Variants in CLDN7 observed in about 807,000 individuals in gnomAD.
The protein encoded by CLDN7 is claudin-7.
In CLDN7, 15 loss-of-function variants were observed where a neutral mutation model predicts 20.3. The observed-to-expected ratio is 0.74, with a 90% confidence interval of 0.49 to 1.14. The LOEUF (loss-of-function observed/expected upper bound fraction) is 1.14, where lower values mean the gene tolerates loss of function less well. Ranked by LOEUF, CLDN7 falls within the 50% of genes most tolerant of loss-of-function variation. The pLI is 0.00. For synonymous variants in CLDN7, 117 were observed against 106.1 expected (o/e 1.10, Z -0.63); for missense variants, 261 against 274.2 (o/e 0.95, Z 0.34).
chr17:7,261,098 C>G (rs1210999190), intron 1 of CLDN7, 113 bp from the exon 2 acceptor site: 8 of 1,409,910 alleles, frequency 5.7e-6, no homozygotes, highest in South Asian at 2.9e-5. Flanking sequence ...GCGCCGTGTT[C>G]TGCCGAGGGC....
Position 7,260,217 on chromosome 17 carries a change from C to G in CLDN7, c.*157G>C. ...GTCTCTCCCACCAACGGCACCCCCC[C>G]ACCCCCAACCCAAGAGGACTATACA... On this transcript the variant is annotated 3_prime_UTR_variant, in exon 4 of 4. Transcript: ENST00000360325. 9.7e-6 allele frequency: 6 copies of G among 618,908 alleles called. No individual in the cohort carries two copies. Among genetic ancestry groups the G allele is most frequent in the Non-Finnish European group, 1.5e-5 (6 of 394,306 alleles). The allele number at this position is 618,908 out of a possible 1,614,324, so 38.3% of individuals were successfully genotyped here. A position where few individuals can be genotyped will look rare whatever the true frequency, so the allele number is the denominator to read the frequency against.
intron 1 of CLDN7, 34 bp downstream of exon 1, chr17:7,261,787 G>A (rs781503125): frequency 1.2e-6 from 2 of 1,603,820 alleles, no homozygotes; most frequent in South Asian, 1.1e-5. Context: ...CCTCGGTCAA[G>A]GGCGCGTCCG....
In CLDN7 at chr17:7,262,310, G is replaced by T; in HGVS notation, c.-267C>A. ...CAGACAAAATTGGTGGTCCCCGAAG[G>T]CCAGGCGGTTCCCTCCGGGCGCTCT... On this transcript the variant is annotated 5_prime_UTR_variant, in exon 1 of 4. Coordinates refer to ENST00000360325, the MANE Select transcript of CLDN7 (RefSeq NM_001307.6). This position sits in a 1 kb window ranked among gnomAD's most constrained non-coding sequence, Gnocchi z 6.6. 7.4e-7 allele frequency: 1 copy of T among 1,353,092 alleles called. No homozygotes were observed. The highest frequency in any genetic ancestry group is 9.5e-7 in the Non-Finnish European group (1 of 1,049,094). The allele number at this position is 1,353,092 out of a possible 1,614,324, so 83.8% of individuals were successfully genotyped here. A position where few individuals can be genotyped will look rare whatever the true frequency, so the allele number is the denominator to read the frequency against.
chr17:7,260,600 C>T, intron 3 of CLDN7, 42 bp downstream of exon 3: 1 of 1,613,740 alleles, frequency 6.2e-7, no homozygotes, highest in Non-Finnish European at 8.5e-7. Flanking sequence ...TATTCCAGGA[C>T]CCCAGACCTG....
chr17:7,261,964 A>G lies in CLDN7; in HGVS notation c.80T>C (p.Ile27Thr). The G allele has an allele frequency of 6.2e-7, 1 of 1,614,100 alleles. No homozygotes were observed. The highest frequency in any genetic ancestry group is 8.5e-7 in the Non-Finnish European group (1 of 1,180,024). ...ATAGGAGCTCATCTGCCACTGCGGG[A>G]TGGCGGTGCAGGCCACCAGACCCAC... ...GWVGLVACTA[I>T]PQWQMSSYAG... The change falls in exon 1 of 4, where the codon ATC becomes ACC. Residue 27 changes from isoleucine (I) to threonine (T), a missense_variant. Physicochemically the swap from Ile to Thr is moderately conservative, Grantham distance 89. Transcript: ENST00000360325.
At chr17:7,260,793 T>C (rs1597589960) in intron 2 of CLDN7, 28 bp downstream of exon 2, 1 of 1,614,196 alleles carries the variant, frequency 6.2e-7, no homozygotes, top group Non-Finnish European at 8.5e-7. Context: ...GCCTTGCTCC[T>C]CCCAGATGGG....
chr17:7,261,996 C>T lies in CLDN7; in HGVS notation c.48G>A (p.Leu16=), dbSNP rs1003791768. The T allele has an allele frequency of 1.9e-6, 3 of 1,613,974 alleles. No individual in the cohort carries two copies. In the African/African-American group the frequency reaches 4.0e-5, roughly 22 times the overall value. The change falls in exon 1 of 4, where the codon CTG becomes CTA. Residue 16 remains leucine (L), a synonymous_variant. Transcript: ENST00000360325. ...TGCAGGCCACCAGACCCACCCAGCC[C>T]AGCAGGGCCATGGAGAAGCCCAGCA... ...LQLLGFSMAL[L]GWVGLVACTA...
upstream of CLDN7, chr17:7,262,630 C>A: frequency 6.5e-6 from 1 of 154,532 alleles, no homozygotes; most frequent in Non-Finnish European, 1.4e-5. This position sits in a 1 kb window ranked among gnomAD's most constrained non-coding sequence, Gnocchi z 6.6. Flanking sequence ...AAGTCGTGGC[C>A]CCCACCCCTC....
chr17:7,259,938 G>C lies in CLDN7; in HGVS notation c.*436C>G. 1 of 433,570 alleles carries C rather than the reference G, an allele frequency of 2.3e-6. No individual in the cohort carries two copies. Among genetic ancestry groups the C allele is most frequent in the Non-Finnish European group, 3.9e-6 (1 of 257,932 alleles). 26.9% of individuals were successfully genotyped at this position (433,570 alleles called of 1,614,324 possible). ...AAATCTTTATTTTTTTATTAAAAAA[G>C]AAGTACTTTGGTAGCTATTTAAATA... On this transcript the variant is annotated 3_prime_UTR_variant, in exon 4 of 4. Transcript: ENST00000360325.
chr17:7,262,370 G>A lies in CLDN7; in HGVS notation c.-327C>T. ...TAGGCAAACAAAAGGTGGAGGGGCC[G>A]TCTGGGCGCGTTTCTGAGCGCCGGC... On this transcript the variant is annotated 5_prime_UTR_variant, in exon 1 of 4. In the 5' UTR this introduces an upstream ATG that the reference lacks. Coordinates refer to ENST00000360325, the MANE Select transcript of CLDN7 (RefSeq NM_001307.6). This position sits in a 1 kb window ranked among gnomAD's most constrained non-coding sequence, Gnocchi z 6.6. The A allele has an allele frequency of 8.2e-7, 1 of 1,217,652 alleles. No homozygotes were observed. The highest frequency in any genetic ancestry group is 1.0e-6 in the Non-Finnish European group (1 of 967,760). 75.4% of individuals were successfully genotyped at this position (1,217,652 alleles called of 1,614,324 possible). A position where few individuals can be genotyped will look rare whatever the true frequency, so the allele number is the denominator to read the frequency against.
At position 7,262,232 on chromosome 17, in the gene CLDN7, G is replaced by A; in HGVS notation, c.-189C>T. On this transcript the variant is annotated 5_prime_UTR_variant, in exon 1 of 4. Transcript: ENST00000360325. The surrounding 1 kb of genome is among the most constrained non-coding windows in gnomAD (Gnocchi z 6.6). ...AACTACACACAAATCGACCCCTCCA[G>A]TGAAGCGATGGCCTCGCGGCACAGG... 7.0e-7 allele frequency: 1 copy of A among 1,430,434 alleles called. No homozygotes were observed. Among genetic ancestry groups the A allele is most frequent in the South Asian group, 1.5e-5 (1 of 66,010 alleles). 88.6% of individuals were successfully genotyped at this position (1,430,434 alleles called of 1,614,324 possible).
Position 7,260,152 on chromosome 17 carries a change from T to C in CLDN7, c.*222A>G, listed in dbSNP as rs2072181265. The C allele has an allele frequency of 4.4e-6, 2 of 449,836 alleles. No individual in the cohort carries two copies. The highest frequency in any genetic ancestry group is 7.8e-6 in the Non-Finnish European group (2 of 256,264). The allele number at this position is 449,836 out of a possible 1,614,324, so 27.9% of individuals were successfully genotyped here. A position where few individuals can be genotyped will look rare whatever the true frequency, so the allele number is the denominator to read the frequency against. Reference sequence around the variant, plus strand: ...AAAAAAGCCTGCTTCCCAATACTTATTTTTTATTACTGTACAAAAAGCACA... The same window carrying C: ...AAAAAAGCCTGCTTCCCAATACTTACTTTTTATTACTGTACAAAAAGCACA... On this transcript the variant is annotated 3_prime_UTR_variant, in exon 4 of 4. Coordinates refer to ENST00000360325, the MANE Select transcript of CLDN7 (RefSeq NM_001307.6).
chr17:7,262,339 C>T lies in CLDN7; in HGVS notation c.-296G>A, dbSNP rs1567596601. On this transcript the variant is annotated 5_prime_UTR_variant, in exon 1 of 4. Transcript: ENST00000360325. This position sits in a 1 kb window ranked among gnomAD's most constrained non-coding sequence, Gnocchi z 6.6. ...GGCGGTTCCCTCCGGGCGCTCTCGG[C>T]GACCCTAGGCAAACAAAAGGTGGAG... 2 of 1,277,684 alleles carry T rather than the reference C, an allele frequency of 1.6e-6. No individual in the cohort carries two copies. Among genetic ancestry groups the T allele is most frequent in the East Asian group, 3.9e-5 (1 of 25,926 alleles). 79.1% of individuals were successfully genotyped at this position (1,277,684 alleles called of 1,614,324 possible).
chr17:7,262,391 C>T lies in CLDN7; in HGVS notation c.-348G>A. 3.4e-6 allele frequency: 4 copies of T among 1,186,970 alleles called. No homozygotes were observed. Among genetic ancestry groups the T allele is most frequent in the Non-Finnish European group, 4.2e-6 (4 of 948,604 alleles). The allele number at this position is 1,186,970 out of a possible 1,614,324, so 73.5% of individuals were successfully genotyped here. A position where few individuals can be genotyped will look rare whatever the true frequency, so the allele number is the denominator to read the frequency against. ...GGCCGTCTGGGCGCGTTTCTGAGCGCCGGCAAGTCCCAAAGTATCCTGGGC... is the reference window on the plus strand; with the variant it reads ...GGCCGTCTGGGCGCGTTTCTGAGCGTCGGCAAGTCCCAAAGTATCCTGGGC... On this transcript the variant is annotated 5_prime_UTR_variant, in exon 1 of 4. Transcript: ENST00000360325. This position sits in a 1 kb window ranked among gnomAD's most constrained non-coding sequence, Gnocchi z 6.6.
chr17:7,261,681 C>A, intron 1 of CLDN7, 140 bp downstream of exon 1: 1 of 696,834 alleles, frequency 1.4e-6, no homozygotes, highest in South Asian at 2.3e-5. Context: ...CCAGCCCCGC[C>A]GCCCCCAGCC....
In CLDN7 at chr17:7,262,114, G is replaced by A. The variant is rs1430082081; in HGVS notation, c.-71C>T. ...CAGTAAAACAAACGACACTTGGGGG[G>A]CAGCCCCACAAAAGAAAACTTGAGG... On this transcript the variant is annotated 5_prime_UTR_variant, in exon 1 of 4. Coordinates refer to ENST00000360325, the MANE Select transcript of CLDN7 (RefSeq NM_001307.6). The surrounding 1 kb of genome is among the most constrained non-coding windows in gnomAD (Gnocchi z 6.6). 5 of 1,519,336 alleles carry A rather than the reference G, an allele frequency of 3.3e-6. No homozygotes were observed. Among genetic ancestry groups the A allele is most frequent in the East Asian group, 2.5e-5 (1 of 40,714 alleles). 94.1% of individuals were successfully genotyped at this position (1,519,336 alleles called of 1,614,324 possible).
In CLDN7 at chr17:7,260,372, G is replaced by T; in HGVS notation, c.*2C>A. The T allele has an allele frequency of 1.2e-6, 2 of 1,602,072 alleles. No homozygotes were observed. Among genetic ancestry groups the T allele is most frequent in the South Asian group, 2.2e-5 (2 of 89,358 alleles). ...GTCAGGCTGGGGCAAGGAGATCCCA[G>T]GTCACACATACTCCTTGGAAGAGTT... On this transcript the variant is annotated 3_prime_UTR_variant, in exon 4 of 4. Coordinates refer to ENST00000360325, the MANE Select transcript of CLDN7 (RefSeq NM_001307.6).
Position 7,260,383 on chromosome 17 carries a change from C to A in CLDN7, c.627G>T (p.Glu209Asp), listed in dbSNP as rs150733809. The A allele has an allele frequency of 2.8e-4, 456 of 1,607,702 alleles. 5 individuals are homozygous for A. The highest frequency in any genetic ancestry group is 2.2e-3 in the South Asian group (198 of 90,134). The change falls in exon 4 of 4, where the codon GAG (glutamate) becomes GAT (aspartate). Residue 209 changes from glutamate to aspartate, a missense_variant. Glu to Asp is a conservative substitution (Grantham distance 45). Coordinates refer to ENST00000360325, the MANE Select transcript of CLDN7 (RefSeq NM_001307.6). ...RSYPKSNSSKEYV is the reference protein window; with the variant it reads ...RSYPKSNSSKDYV ...GCAAGGAGATCCCAGGTCACACATA[C>A]TCCTTGGAAGAGTTGGACTTAGGGT...
At position 7,260,503 on chromosome 17, in the gene CLDN7, C is replaced by G; in HGVS notation, c.507G>C (p.Trp169Cys). 1 of 1,612,992 alleles carries G rather than the reference C, an allele frequency of 6.2e-7. No individual in the cohort carries two copies. The highest frequency in any genetic ancestry group is 8.5e-7 in the Non-Finnish European group (1 of 1,179,440). The change falls in exon 4 of 4, where the codon TGG (tryptophan) becomes TGC (cysteine). Residue 169 changes from tryptophan to cysteine, a missense_variant. This residue lies in a region of CLDN7 where 215 missense variants were observed against 199.6 expected (regional missense o/e 1.08). Coordinates refer to ENST00000360325, the MANE Select transcript of CLDN7 (RefSeq NM_001307.6). ...CCAGGATGACTAGGGCAGACCCTGC[C>G]CAGCCAATAAAGATGGCAGGGCCAA... ...YEFGPAIFIG[W>C]AGSALVILGG... is the part of the protein sequence containing the mutation.
Sources: gnomAD v4.1 joint callset for allele counts on GRCh38, gnomAD v4.1.1 for gene constraint, gnomAD v4.1.1 regional missense constraint, Gnocchi (gnomAD v3.1) non-coding constraint, MANE v1.5 for transcripts, NCBI Gene and HGNC (gene_info 2026-07-23, HGNC 2026-07-21) for gene names.